RALY: variants seen among roughly 807,000 people sequenced by gnomAD.
RALY encodes RALY heterogeneous nuclear ribonucleoprotein.
Under a neutral mutation model 30.7 loss-of-function variants are expected in RALY, and 15 were observed. That is an observed-to-expected ratio of 0.49 (90% CI 0.33 to 0.75). RALY has a LOEUF of 0.75. RALY is among the 30% of genes least tolerant of loss of function. The probability of loss-of-function intolerance (pLI) is 0.02; values close to 1 mark genes in which losing one functional copy is unlikely to be tolerated. For missense variants in RALY, 339 were observed against 414.3 expected (o/e 0.82, Z 1.58); for synonymous variants, 177 against 170.8 (o/e 1.04, Z -0.28).
intron 1 of RALY, among the ~76,000 whole-genome samples, chr20:34,015,348 T>A (rs1397871979): frequency 1.3e-5 from 2 of 152,006 alleles, no homozygotes. Flanking sequence ...TTTTTTTAAA[T>A]CTCCCCCTTT....
chr20:34,062,870 G>A (rs1186955531), intron 2 of RALY, among the ~76,000 whole-genome samples: 1 of 152,246 alleles, frequency 6.6e-6, no homozygotes, highest in African/African-American at 2.4e-5. Context: ...GGAATGGGGC[G>A]GGGGCCATCC....
chr20:34,041,002 C>T (rs958347431), intron 2 of RALY, among the ~76,000 whole-genome samples: 2 of 152,148 alleles, frequency 1.3e-5, no homozygotes, highest in African/African-American at 4.8e-5. Flanking sequence ...AGTGTATTTT[C>T]CTGAGAGTTT....
At chr20:34,007,209 A>T (rs2031197770) in intron 1 of RALY, among the ~76,000 whole-genome samples, 1 of 151,518 alleles carries the variant, frequency 6.6e-6, no homozygotes, top group African/African-American at 2.4e-5. Context: ...TCACTAAACC[A>T]CTCTGTGAGC....
In RALY at chr20:34,081,796, A is replaced by T. The variant is rs1017154426; in HGVS notation, c.*1891A>T. On this transcript the variant is annotated 3_prime_UTR_variant, in exon 10 of 10. Coordinates refer to ENST00000246194, the MANE Select transcript of RALY (RefSeq NM_016732.3). ...CTGGGGCCTGACTAGGCCAGCCCCA[A>T]GGTGGCCAGAGTTCTGGCTTCATAC... The T allele has an allele frequency of 6.6e-6, 1 of 152,310 alleles. No individual in the cohort carries two copies. Among genetic ancestry groups the T allele is most frequent in the Non-Finnish European group, 1.5e-5 (1 of 68,094 alleles). 9.4% of individuals were successfully genotyped at this position (152,310 alleles called of 1,614,324 possible).
At chr20:34,059,646 C>T (rs996269129) in intron 2 of RALY, among the ~76,000 whole-genome samples, 3 of 152,234 alleles carry the variant, frequency 2.0e-5, no homozygotes, top group African/African-American at 7.2e-5. Flanking sequence ...AAATCCAAAG[C>T]TAATAAGCCC....
In RALY at chr20:34,073,166, T is replaced by C. The variant is rs556579775; in HGVS notation, c.257-397T>C. 4.6e-5 allele frequency among the ~76,000 whole-genome samples: 7 copies of C among 152,266 alleles called. No individual in the cohort carries two copies. The East Asian group carries it at 1.4e-3, about 29-fold the overall frequency. On this transcript the variant is annotated intron_variant, in intron 3 of 9. Coordinates refer to ENST00000246194, the MANE Select transcript of RALY (RefSeq NM_016732.3). ...GAATACACGTTACCTGTGTGTGAGT[T>C]TCTTACCTGGATATGTGAATGTATG...
chr20:34,027,570 T>G (rs2123080347), intron 1 of RALY, among the ~76,000 whole-genome samples: 1 of 152,348 alleles, frequency 6.6e-6, no homozygotes, highest in Admixed American at 6.5e-5. Context: ...AGATCCTGCC[T>G]ATTATTAGTA....
At chr20:34,016,541 A>G (rs768135585) in intron 1 of RALY, 5 of 152,244 alleles carry the variant, frequency 3.3e-5, no homozygotes, top group African/African-American at 4.8e-5. Flanking sequence ...TTTTTAATGA[A>G]TTCCTTGAGT....
intron 2 of RALY, among the ~76,000 whole-genome samples, chr20:34,057,656 G>A (rs2033289466): frequency 7.8e-6 from 1 of 127,798 alleles, no homozygotes; most frequent in African/African-American, 2.9e-5. Context: ...GACAGAGCGA[G>A]ACTCCGTCTC....
chr20:34,064,408 A>T (rs2033507964), intron 2 of RALY, among the ~76,000 whole-genome samples: 1 of 152,100 alleles, frequency 6.6e-6, no homozygotes, highest in African/African-American at 2.4e-5. Flanking sequence ...GGCCCATTAG[A>T]TATGGATACC....
chr20:34,012,977 G>T (rs1412204434), intron 1 of RALY, among the ~76,000 whole-genome samples: 1 of 152,184 alleles, frequency 6.6e-6, no homozygotes, highest in African/African-American at 2.4e-5. Context: ...TATGCATTCA[G>T]TAGAAACGGT....
chr20:34,002,309 C>G (rs781491830), intron 1 of RALY, among the ~76,000 whole-genome samples: 6 of 152,068 alleles, frequency 3.9e-5, no homozygotes, highest in Admixed American at 2.6e-4. Context: ...ACTTAGTTGC[C>G]GTGGCATGAT....
At chr20:34,001,168 G>C (rs2030897675) in intron 1 of RALY, among the ~76,000 whole-genome samples, 1 of 152,216 alleles carries the variant, frequency 6.6e-6, no homozygotes, top group Admixed American at 6.5e-5. Context: ...TATAAACTTG[G>C]AGCTGTAGCC....
intron 2 of RALY, among the ~76,000 whole-genome samples, chr20:34,050,829 A>G (rs1184376312): frequency 2.0e-5 from 3 of 152,138 alleles, no homozygotes; most frequent in African/African-American, 7.2e-5. Flanking sequence ...TGCTATCTCT[A>G]TTCAGATAAC....
At chr20:34,068,934 A>T (rs150887597) in intron 2 of RALY, among the ~76,000 whole-genome samples, 1 of 152,190 alleles carries the variant, frequency 6.6e-6, no homozygotes, top group Non-Finnish European at 1.5e-5. Context: ...TGTACAGGGC[A>T]TGAAAGTGGA....
chr20:34,009,500 T>C (rs900419987), intron 1 of RALY, among the ~76,000 whole-genome samples: 2 of 152,098 alleles, frequency 1.3e-5, no homozygotes, highest in African/African-American at 4.8e-5. Flanking sequence ...CCTCCCAAAG[T>C]GCCAGGATTA....
intron 2 of RALY, among the ~76,000 whole-genome samples, chr20:34,038,848 C>T (rs755434236): frequency 1.3e-5 from 2 of 152,094 alleles, no homozygotes; most frequent in Non-Finnish European, 2.9e-5. Flanking sequence ...GAAGAAAATA[C>T]CTGGCCTGGC....
At chr20:34,053,571 AT>A (rs1431807714) in intron 2 of RALY, among the ~76,000 whole-genome samples, 1 of 151,368 alleles carries the variant, frequency 6.6e-6, no homozygotes, top group East Asian at 1.9e-4. Flanking sequence ...CTAATTTTTA[AT>A]TGTTTTTAGA....
rs914112688 is a variant in RALY, at chr20:33,993,994, GCGA to G, written c.-219_-217del. Reference sequence around the variant, plus strand: ...TGAGGGGGCGGTAGCGGCGGCGACGGCGACGACGACGACTCCCGCGCGTGTGCC... The same window carrying G: ...TGAGGGGGCGGTAGCGGCGGCGACGGCGACGACGACTCCCGCGCGTGTGCC... On this transcript the variant is annotated 5_prime_UTR_variant, in exon 1 of 10. Coordinates refer to ENST00000246194, the MANE Select transcript of RALY (RefSeq NM_016732.3). The G allele has an allele frequency of 1.3e-5, 2 of 151,896 alleles. No individual in the cohort carries two copies. The highest frequency in any genetic ancestry group is 2.9e-5 in the Non-Finnish European group (2 of 67,898). The allele number at this position is 151,896 out of a possible 1,614,324, so 9.4% of individuals were successfully genotyped here.
Sources: allele counts gnomAD v4.1 joint callset (sites outside exome capture counted in the v4.1 genomes callset), GRCh38; gene constraint gnomAD v4.1.1; transcripts MANE v1.5; gene names NCBI Gene and HGNC (gene_info 2026-07-23, HGNC 2026-07-21).